The following ARMH4 variants were observed in gnomAD, a reference collection of about 807,000 sequenced individuals.
ARMH4 encodes the protein armadillo-like helical domain-containing protein 4.
A neutral mutation model predicts 61.9 loss-of-function variants in ARMH4; 49 were observed. The observed-to-expected ratio is 0.79, with a 90% CI of 0.63 to 1.00. ARMH4 has a LOEUF of 1.00. Ranked by LOEUF, ARMH4 falls within the 50% of genes least tolerant of loss-of-function variation. The pLI, the probability that ARMH4 is intolerant of heterozygous loss-of-function variation, is 0.00. For synonymous variants in ARMH4, 368 were observed against 341.5 expected (o/e 1.08, Z -0.85); for missense variants, 934 against 930.0 (o/e 1.00, Z -0.06).
chr14:58,108,050 A>AT (rs200627218), intron 4 of ARMH4, among the ~76,000 whole-genome samples: 2,572 of 152,114 alleles, frequency 0.017, 77 homozygotes, highest in African/African-American at 0.056. Context: ...TTATTTCCAG[A>AT]TTTTTTTTAC....
At position 58,086,144 on chromosome 14, in the gene ARMH4, C is replaced by T. The variant is rs74057628; in HGVS notation, c.2089+10580G>A. On this transcript the variant is annotated intron_variant, in intron 5 of 7. Transcript: ENST00000267485. ...TAACTATTTGTAAATTTTTAAATTG[C>T]TCAACCACTCCATGAGAGTGCCATC... 8.5e-3 allele frequency among the ~76,000 whole-genome samples: 1,293 copies of T among 152,280 alleles called. 16 individuals are homozygous for T. The highest frequency in any genetic ancestry group is 0.03 in the African/African-American group (1,243 of 41,560).
chr14:58,144,745 G>A (rs1459445447), intron 1 of ARMH4, among the ~76,000 whole-genome samples: 1 of 152,112 alleles, frequency 6.6e-6, no homozygotes, highest in African/African-American at 2.4e-5. Context: ...GCGGGCGCCT[G>A]TAGTCCCAGC....
At chr14:58,059,389 T>A (rs573913810) in intron 5 of ARMH4, among the ~76,000 whole-genome samples, 3 of 152,228 alleles carry the variant, frequency 2.0e-5, no homozygotes, top group Admixed American at 2.0e-4. Flanking sequence ...CAGACAGTGA[T>A]ATCACTGTAG....
intron 2 of ARMH4, among the ~76,000 whole-genome samples, chr14:58,136,021 T>C (rs568402299): frequency 1.3e-5 from 2 of 152,306 alleles, no homozygotes; most frequent in Non-Finnish European, 2.9e-5. Context: ...AGTTGTTTGA[T>C]TGACTTTGGG....
rs1344274291 is a variant in ARMH4 at position 58,004,663 on chromosome 14, T to G, written c.*73A>C. The G allele has an allele frequency of 1.4e-5, 19 of 1,311,664 alleles. No individual in the cohort carries two copies. The highest frequency in any genetic ancestry group is 2.1e-4 in the Middle Eastern group (1 of 4,712). 81.3% of individuals were successfully genotyped at this position (1,311,664 alleles called of 1,614,324 possible). A position where few individuals can be genotyped will look rare whatever the true frequency, so the allele number is the denominator to read the frequency against. On this transcript the variant is annotated 3_prime_UTR_variant, in exon 8 of 8. Transcript: ENST00000267485. ...AGCAGCAATGTGGCAGGTTGTTCTT[T>G]TTTTTTTTCTGCTCCAAAATAAAAA...
chr14:58,008,128 T>C (rs1286856457), intron 6 of ARMH4, among the ~76,000 whole-genome samples: 1 of 152,196 alleles, frequency 6.6e-6, no homozygotes, highest in African/African-American at 2.4e-5. Flanking sequence ...CGATATTGAA[T>C]ATACTCCAGC....
intron 5 of ARMH4, among the ~76,000 whole-genome samples, chr14:58,013,498 A>G (rs900933773): frequency 6.6e-6 from 1 of 152,214 alleles, no homozygotes; most frequent in African/African-American, 2.4e-5. Context: ...TGGCATAGAT[A>G]TACTTTAACC....
chr14:58,045,417 A>T (rs1348724813), intron 5 of ARMH4, among the ~76,000 whole-genome samples: 1 of 152,152 alleles, frequency 6.6e-6, no homozygotes, highest in Non-Finnish European at 1.5e-5. Context: ...AACAATGAGA[A>T]CACCTGGACA....
At chr14:58,091,865 C>T (rs1885576593) in intron 5 of ARMH4, among the ~76,000 whole-genome samples, 1 of 152,188 alleles carries the variant, frequency 6.6e-6, no homozygotes, top group Non-Finnish European at 1.5e-5. Flanking sequence ...ACTTTCACTC[C>T]TGATGCTCTC....
intron 5 of ARMH4, among the ~76,000 whole-genome samples, chr14:58,054,773 C>G (rs1342623411): frequency 6.6e-6 from 1 of 151,264 alleles, no homozygotes; most frequent in African/African-American, 2.4e-5. Flanking sequence ...TGGCAGGCAC[C>G]TGTAATGCCA....
chr14:58,140,256 C>T (rs1157778088), intron 1 of ARMH4, among the ~76,000 whole-genome samples: 1 of 116,400 alleles, frequency 8.6e-6, no homozygotes, highest in South Asian at 2.9e-4. Flanking sequence ...GCCTAGGCAA[C>T]AAGAGCAAAA....
intron 5 of ARMH4, among the ~76,000 whole-genome samples, chr14:58,058,074 A>C (rs1039449213): frequency 6.6e-6 from 1 of 152,168 alleles, no homozygotes; most frequent in Non-Finnish European, 1.5e-5. Context: ...TCAGCAAAGG[A>C]AGATAGTATA....
chr14:58,098,560 T>G (rs1018876886), intron 4 of ARMH4, among the ~76,000 whole-genome samples: 1 of 152,222 alleles, frequency 6.6e-6, no homozygotes, highest in African/African-American at 2.4e-5. Flanking sequence ...AGGTAAAGTT[T>G]GAACAGAGGC....
intron 1 of ARMH4, among the ~76,000 whole-genome samples, chr14:58,140,976 TC>T (rs1315625393): frequency 6.6e-6 from 1 of 152,004 alleles, no homozygotes; most frequent in Non-Finnish European, 1.5e-5. Context: ...AAAGGTGCCT[TC>T]TATGAACCAG....
At chr14:58,024,886 T>C (rs1456084500) in intron 5 of ARMH4, among the ~76,000 whole-genome samples, 1 of 152,158 alleles carries the variant, frequency 6.6e-6, no homozygotes, top group Non-Finnish European at 1.5e-5. Context: ...TATCAATTAA[T>C]GTCACCATCT....
chr14:58,012,173 A>C, intron 5 of ARMH4, 23 bp from the exon 6 acceptor site: 1 of 1,317,526 alleles, frequency 7.6e-7, no homozygotes, highest in Non-Finnish European at 1.1e-6. Context: ...TAAGATAATA[A>C]AATGAAATAA....
chr14:58,137,176 C>T (rs1292357060), intron 2 of ARMH4, among the ~76,000 whole-genome samples: 2 of 152,108 alleles, frequency 1.3e-5, no homozygotes, highest in African/African-American at 4.8e-5. Context: ...TTTTCAACCT[C>T]AGCGCTATTA....
chr14:58,133,066 A>G (rs1887174347), intron 3 of ARMH4, 24 bp downstream of exon 3: 6 of 1,611,394 alleles, frequency 3.7e-6, no homozygotes, highest in African/African-American at 1.3e-5. Context: ...CCCAAAACAG[A>G]GTCCAATATC....
intron 5 of ARMH4, among the ~76,000 whole-genome samples, chr14:58,046,977 C>T (rs1454938433): frequency 6.6e-6 from 1 of 152,136 alleles, no homozygotes; most frequent in Non-Finnish European, 1.5e-5. Flanking sequence ...TTTTAGTGCA[C>T]CAGTCACTAA....
Sources: allele counts gnomAD v4.1 joint callset (sites outside exome capture counted in the v4.1 genomes callset), GRCh38; gene constraint gnomAD v4.1.1; transcripts MANE v1.5; gene names NCBI Gene and HGNC (gene_info 2026-07-23, HGNC 2026-07-21).